The following MAPKAP1 variants were observed in gnomAD, a reference collection of about 807,000 sequenced individuals.
The protein encoded by MAPKAP1 is target of rapamycin complex 2 subunit MAPKAP1.
MAPKAP1 carries 20 observed loss-of-function variants against 65.7 expected under a neutral mutation model. That is an observed-to-expected ratio of 0.30 (90% CI 0.21 to 0.44). MAPKAP1 has a LOEUF of 0.44. Among genes scored for constraint, MAPKAP1 ranks in the 20% least tolerant of loss-of-function variants. The probability of loss-of-function intolerance (pLI) is 1.00; values close to 1 mark genes in which losing one functional copy is unlikely to be tolerated. For missense variants in MAPKAP1, 423 were observed against 648.0 expected (o/e 0.65, Z 3.77); for synonymous variants, 222 against 244.3 (o/e 0.91, Z 0.85).
At chr9:125,699,409 T>G (rs1349488422) in intron 1 of MAPKAP1, among the ~76,000 whole-genome samples, 1 of 152,058 alleles carries the variant, frequency 6.6e-6, no homozygotes, top group East Asian at 1.9e-4. Context: ...AAGGTCTTGC[T>G]GTGTTGCCCA....
intron 3 of MAPKAP1, among the ~76,000 whole-genome samples, chr9:125,660,814 C>G (rs1391307712): frequency 6.6e-6 from 1 of 152,186 alleles, no homozygotes; most frequent in East Asian, 1.9e-4. Flanking sequence ...TGTTTCTGCC[C>G]TTGCCTCCTC....
intron 1 of MAPKAP1, among the ~76,000 whole-genome samples, chr9:125,705,569 A>G (rs1209783289): frequency 6.6e-6 from 1 of 152,182 alleles, no homozygotes; most frequent in Non-Finnish European, 1.5e-5. Context: ...GGCAGCAAAG[A>G]CTGAATCTTA....
At chr9:125,600,534 C>CA (rs1266331563) in intron 4 of MAPKAP1, among the ~76,000 whole-genome samples, 1 of 152,202 alleles carries the variant, frequency 6.6e-6, no homozygotes, top group Non-Finnish European at 1.5e-5. Flanking sequence ...CTGTGAACTG[C>CA]AAACTATCAT....
At chr9:125,670,030 A>C (rs7039012) in intron 2 of MAPKAP1, 123 bp from the exon 3 acceptor site, 12,344 of 543,296 alleles carry the variant, frequency 0.023, 1,038 homozygotes, top group African/African-American at 0.2. Context: ...AAAAGTCATA[A>C]AATTTTAAAG....
At chr9:125,652,076 T>C in intron 4 of MAPKAP1, 1 of 1,239,144 alleles carries the variant, frequency 8.1e-7, no homozygotes, top group Non-Finnish European at 1.0e-6. Context: ...CCTTTTCCAC[T>C]AAGGGCAATT....
chr9:125,700,824 A>G (rs1489927162), intron 1 of MAPKAP1, among the ~76,000 whole-genome samples: 1 of 152,236 alleles, frequency 6.6e-6, no homozygotes, highest in Non-Finnish European at 1.5e-5. Context: ...GCTGGGTATT[A>G]AAATAAAAAT....
At chr9:125,510,051 T>C (rs1829254686) in intron 7 of MAPKAP1, among the ~76,000 whole-genome samples, 1 of 152,268 alleles carries the variant, frequency 6.6e-6, no homozygotes, top group Non-Finnish European at 1.5e-5. Flanking sequence ...GCTTATTATG[T>C]GCCAAGCATG....
chr9:125,480,765 G>A (rs904238697), intron 9 of MAPKAP1, among the ~76,000 whole-genome samples: 7 of 151,918 alleles, frequency 4.6e-5, no homozygotes, highest in African/African-American at 1.7e-4. Flanking sequence ...AAGGTCAGGA[G>A]ATCGAGACCA....
At chr9:125,693,761 A>G (rs942184261) in intron 1 of MAPKAP1, among the ~76,000 whole-genome samples, 1 of 149,570 alleles carries the variant, frequency 6.7e-6, no homozygotes, top group African/African-American at 2.5e-5. Flanking sequence ...ACATATATAC[A>G]CGTATATACA....
chr9:125,673,086 C>CAT (rs1230083076), intron 1 of MAPKAP1, among the ~76,000 whole-genome samples: 1 of 152,178 alleles, frequency 6.6e-6, no homozygotes, highest in Non-Finnish European at 1.5e-5. Flanking sequence ...CCCCTCCTGT[C>CAT]ATATGATTGT....
chr9:125,647,512 A>C (rs986372908), intron 4 of MAPKAP1, among the ~76,000 whole-genome samples: 1 of 152,208 alleles, frequency 6.6e-6, no homozygotes, highest in South Asian at 2.1e-4. Context: ...TTCATCTACT[A>C]TTCATCTATA....
Position 125,595,828 on chromosome 9 carries a change from C to T in MAPKAP1, c.499-10101G>A, listed in dbSNP as rs141843079. 2.7e-5 allele frequency: 31 copies of T among 1,135,416 alleles called. No individual in the cohort carries two copies. The African/African-American group carries it at 3.3e-4, about 12-fold the overall frequency. 70.3% of individuals were successfully genotyped at this position (1,135,416 alleles called of 1,614,324 possible). The stretch of plus-strand genomic sequence containing the variant: ...TGAAAGATTCCAACACCAAGCGTTC[C>T]GGGGGTTTTGGGTTTGTCACCTATG... On this transcript the variant is annotated intron_variant, in intron 4 of 11. Transcript: ENST00000265960. This position sits in a 1 kb window ranked among gnomAD's most constrained non-coding sequence, Gnocchi z 4.0.
intron 3 of MAPKAP1, among the ~76,000 whole-genome samples, chr9:125,666,200 AC>A (rs1179166545): frequency 6.6e-6 from 1 of 152,246 alleles, no homozygotes; most frequent in Non-Finnish European, 1.5e-5. Context: ...CAAGAATATT[AC>A]AAGGATCTTA....
intron 11 of MAPKAP1, among the ~76,000 whole-genome samples, chr9:125,440,234 C>T (rs1196653795): frequency 1.3e-5 from 2 of 152,194 alleles, no homozygotes; most frequent in African/African-American, 4.8e-5. Flanking sequence ...GGAATCTTCA[C>T]AATAATCTTG....
rs375564862 is a variant in MAPKAP1 at position 125,614,640 on chromosome 9, A to C, written c.499-28913T>G. Among the ~76,000 whole-genome samples the C allele has an allele frequency of 1.2e-4, 19 of 152,310 alleles. 1 individual carries two copies. In the East Asian group the frequency reaches 3.5e-3, roughly 28 times the overall value. ...GACTCCGTCTCAAAATATAATAATA[A>C]TAATAATCATATTAAGAGATTAAGG... On this transcript the variant is annotated intron_variant, in intron 4 of 11. Transcript: ENST00000265960.
intron 9 of MAPKAP1, among the ~76,000 whole-genome samples, chr9:125,478,352 G>A (rs924724319): frequency 1.3e-5 from 2 of 152,126 alleles, no homozygotes; most frequent in African/African-American, 2.4e-5. Flanking sequence ...TTTAGAGACA[G>A]GGTCTTGCTT....
chr9:125,594,521 A>C (rs2131597054), intron 4 of MAPKAP1, among the ~76,000 whole-genome samples: 1 of 152,324 alleles, frequency 6.6e-6, no homozygotes, highest in South Asian at 2.1e-4. Flanking sequence ...ATGTATCTAA[A>C]ATGCCTGCCA....
chr9:125,646,937 T>C (rs1042420252), intron 4 of MAPKAP1, among the ~76,000 whole-genome samples: 2 of 152,234 alleles, frequency 1.3e-5, no homozygotes, highest in African/African-American at 4.8e-5. Flanking sequence ...CACAATTTGA[T>C]TACTATAACC....
chr9:125,513,574 T>C (rs1012414704), intron 7 of MAPKAP1, among the ~76,000 whole-genome samples: 1 of 152,176 alleles, frequency 6.6e-6, no homozygotes, highest in Non-Finnish European at 1.5e-5. Flanking sequence ...AACTCATCTG[T>C]AAAATAGGGA....
Sources: gnomAD v4.1 joint callset for allele counts (sites outside exome capture counted in the v4.1 genomes callset) on GRCh38, gnomAD v4.1.1 for gene constraint, Gnocchi (gnomAD v3.1) non-coding constraint, MANE v1.5 for transcripts, NCBI Gene and HGNC (gene_info 2026-07-23, HGNC 2026-07-21) for gene names.